The following ENPEP variants were observed in gnomAD, a reference collection of about 807,000 sequenced individuals.
ENPEP encodes AP-A.
A neutral mutation model predicts 114.5 loss-of-function variants in ENPEP; 103 were observed. The observed-to-expected ratio is 0.90, with a 90% CI of 0.77 to 1.06. The LOEUF (loss-of-function observed/expected upper bound fraction) is 1.06. ENPEP is among the 50% of genes least tolerant of loss of function. The probability of loss-of-function intolerance (pLI) is 0.00; values close to 1 mark genes in which losing one functional copy is unlikely to be tolerated. For missense variants in ENPEP, 1,196 were observed against 1,161.3 expected, an observed-to-expected ratio of 1.03 and a Z score of -0.43; for synonymous variants, 420 against 422.0, an observed-to-expected ratio of 1.00 and a Z score of 0.06.
intron 3 of ENPEP, among the ~76,000 whole-genome samples, chr4:110,502,002 T>C (rs567143209): frequency 6.4e-4 from 97 of 152,296 alleles, no homozygotes; most frequent in Non-Finnish European, 1.2e-3. Context: ...TAGTATCTCA[T>C]TGTGGTTTTG....
At chr4:110,548,458 A>C in intron 14 of ENPEP, 132 bp downstream of exon 14, 1 of 659,534 alleles carries the variant, frequency 1.5e-6, no homozygotes, top group Non-Finnish European at 2.3e-6. Flanking sequence ...AAGAAAGTGC[A>C]ATGACTTGAC....
intron 3 of ENPEP, among the ~76,000 whole-genome samples, chr4:110,499,169 G>A (rs1042132249): frequency 3.3e-5 from 5 of 152,120 alleles, no homozygotes; most frequent in South Asian, 2.1e-4. Flanking sequence ...AAGGAAGTAC[G>A]CACACAGAAA....
At chr4:110,520,442 T>C in intron 10 of ENPEP, 76 bp downstream of exon 10, 1 of 1,451,780 alleles carries the variant, frequency 6.9e-7, no homozygotes, top group Admixed American at 1.7e-5. Flanking sequence ...ATCCTATTGT[T>C]GAGTACATGA....
chr4:110,495,013 T>A (rs1276072976), intron 3 of ENPEP, among the ~76,000 whole-genome samples: 3 of 152,182 alleles, frequency 2.0e-5, no homozygotes, highest in Non-Finnish European at 4.4e-5. Context: ...ATTATATGAC[T>A]TTTTAGTTAT....
chr4:110,491,712 T>C (rs369574928), intron 3 of ENPEP, among the ~76,000 whole-genome samples: 18 of 113,970 alleles, frequency 1.6e-4, no homozygotes, highest in Middle Eastern at 4.9e-3. Context: ...ATAGTTTTCT[T>C]TCTTTCTTTT....
intron 18 of ENPEP, among the ~76,000 whole-genome samples, chr4:110,554,755 A>G (rs1020431623): frequency 2.0e-5 from 3 of 152,052 alleles, no homozygotes; most frequent in Non-Finnish European, 2.9e-5. Context: ...TGAAAAGACC[A>G]TACAACTATC....
At chr4:110,525,807 G>A in intron 10 of ENPEP, among the ~76,000 whole-genome samples, 1 of 152,196 alleles carries the variant, frequency 6.6e-6, no homozygotes, top group East Asian at 1.9e-4. Context: ...AAGTTTCACA[G>A]TAATTATTCT....
chr4:110,542,761 G>T lies in ENPEP; in HGVS notation c.1818G>T (p.Leu606Phe), dbSNP rs150543830. 1.2e-6 allele frequency: 2 copies of T among 1,611,700 alleles called. No homozygotes were observed. Among genetic ancestry groups the T allele is most frequent in the African/African-American group, 2.7e-5 (2 of 74,758 alleles). ...TATTTACTACTACAGGAATCACTTT[G>T]AACTCCTCTAATCCTAGTGGAAATG... The part of the protein sequence containing the change: ...FNRSEKEGIT[L>F]NSSNPSGNAF... The change falls in exon 12 of 20, where the codon TTG becomes TTT. Residue 606 changes from leucine to phenylalanine, a missense_variant. Transcript: ENST00000265162.
chr4:110,513,698 G>T, intron 7 of ENPEP, 149 bp downstream of exon 7: 1 of 919,722 alleles, frequency 1.1e-6, no homozygotes, highest in Non-Finnish European at 1.6e-6. Context: ...ATATTCAATA[G>T]TTTGTACTTT....
intron 10 of ENPEP, among the ~76,000 whole-genome samples, chr4:110,527,978 C>A (rs1290416766): frequency 1.3e-5 from 2 of 152,150 alleles, no homozygotes; most frequent in South Asian, 4.2e-4. Flanking sequence ...AATTTTACTG[C>A]CAAGTGAACT....
At chr4:110,516,953 A>G (rs987137826) in intron 8 of ENPEP, among the ~76,000 whole-genome samples, 7 of 151,948 alleles carry the variant, frequency 4.6e-5, no homozygotes, top group East Asian at 3.9e-4. Context: ...TATTATTATT[A>G]TTGTTATTGA....
intron 8 of ENPEP, among the ~76,000 whole-genome samples, chr4:110,518,034 A>C (rs1382599447): frequency 2.6e-5 from 4 of 152,154 alleles, no homozygotes; most frequent in Non-Finnish European, 5.9e-5. Flanking sequence ...TTTCTGCCCA[A>C]AGTGACTCTT....
chr4:110,480,469 G>A (rs898795958), intron 1 of ENPEP, among the ~76,000 whole-genome samples: 12 of 152,152 alleles, frequency 7.9e-5, no homozygotes, highest in African/African-American at 1.4e-4. Context: ...CATATGTGAC[G>A]TTTGTATCAT....
intron 8 of ENPEP, among the ~76,000 whole-genome samples, chr4:110,518,792 A>C (rs1007813299): frequency 8.5e-5 from 13 of 152,292 alleles, no homozygotes; most frequent in African/African-American, 2.9e-4. Flanking sequence ...AATAATATTT[A>C]AAGTCCCTTC....
rs368908917 is a variant in ENPEP, at chr4:110,548,369, C to G, written c.2151+43C>G. The G allele has an allele frequency of 7.6e-6, 11 of 1,439,974 alleles. No individual in the cohort carries two copies. The South Asian group carries it at 1.4e-4, about 18-fold the overall frequency. The allele number at this position is 1,439,974 out of a possible 1,614,324, so 89.2% of individuals were successfully genotyped here. Reference sequence around the variant, plus strand: ...GTATCTTATGAAAGTAAATGTTTAGCCATTAGTAGAATAGGATGCTTTCTG... The same window carrying G: ...GTATCTTATGAAAGTAAATGTTTAGGCATTAGTAGAATAGGATGCTTTCTG... On this transcript the variant is annotated intron_variant, in intron 14 of 19. Coordinates refer to ENST00000265162, the MANE Select transcript of ENPEP (RefSeq NM_001977.4).
intron 18 of ENPEP, among the ~76,000 whole-genome samples, chr4:110,556,659 T>G (rs182057372): frequency 6.6e-6 from 1 of 152,126 alleles, no homozygotes; most frequent in South Asian, 2.1e-4. Flanking sequence ...TGCTACTGGG[T>G]GAAAAGATGT....
chr4:110,540,905 T>C (rs1726822984), intron 11 of ENPEP, among the ~76,000 whole-genome samples: 1 of 152,068 alleles, frequency 6.6e-6, no homozygotes. Flanking sequence ...TTCCTTGGGG[T>C]GAACTGGGAC....
chr4:110,543,571 T>A (rs1170752295), intron 13 of ENPEP, among the ~76,000 whole-genome samples: 1 of 152,070 alleles, frequency 6.6e-6, no homozygotes, highest in Non-Finnish European at 1.5e-5. Context: ...TGACTCTTTT[T>A]CTCATAGTCT....
Position 110,476,937 on chromosome 4 carries a change from G to A in ENPEP, c.523G>A (p.Glu175Lys). The A allele has an allele frequency of 6.2e-7, 1 of 1,614,168 alleles. No individual in the cohort carries two copies. Among genetic ancestry groups the A allele is most frequent in the Non-Finnish European group, 8.5e-7 (1 of 1,180,020 alleles). ...KQEYVVVEAE[E>K]ELTPSSGDGL... is the part of the protein sequence containing the mutation. ...GGAGTACGTGGTGGTCGAGGCGGAG[G>A]AAGAGCTTACCCCCAGCAGTGGAGA... The change falls in exon 1 of 20, where the codon GAA (glutamate) becomes AAA (lysine). Residue 175 changes from glutamate (E) to lysine (K), a missense_variant. Transcript: ENST00000265162.
Sources: allele counts gnomAD v4.1 joint callset (sites outside exome capture counted in the v4.1 genomes callset), GRCh38; gene constraint gnomAD v4.1.1; transcripts MANE v1.5; gene names NCBI Gene and HGNC (gene_info 2026-07-23, HGNC 2026-07-21).